TMEM50B: variants seen among roughly 807,000 people sequenced by gnomAD.
The protein encoded by TMEM50B is transmembrane protein 50B, also known as HCV p7-trans-regulated protein 3.
TMEM50B carries 14 observed loss-of-function variants against 23.4 expected under a neutral mutation model. The ratio of observed to expected loss-of-function variants is 0.60; its 90% confidence interval spans 0.39 to 0.93. TMEM50B has a LOEUF of 0.93. TMEM50B is among the 40% of genes least tolerant of loss of function. The probability of loss-of-function intolerance (pLI) is 0.00; values close to 1 mark genes in which losing one functional copy is unlikely to be tolerated. For missense variants in TMEM50B, 159 were observed against 193.0 expected, an observed-to-expected ratio of 0.82 and a Z score of 1.04; for synonymous variants, 64 against 62.3, an observed-to-expected ratio of 1.03 and a Z score of -0.13.
intron 1 of TMEM50B, among the ~76,000 whole-genome samples, chr21:33,473,098 T>C (rs1462023112): frequency 6.6e-6 from 1 of 151,942 alleles, no homozygotes; most frequent in African/African-American, 2.4e-5. Flanking sequence ...ATGGCTCACT[T>C]CTAACCAGAA....
downstream of TMEM50B, among the ~76,000 whole-genome samples, chr21:33,445,537 T>TA (rs2084045575): frequency 3.9e-5 from 6 of 152,356 alleles, no homozygotes; most frequent in African/African-American, 1.2e-4. Context: ...ACGGCGCCTG[T>TA]AATTCCCTGC....
intron 1 of TMEM50B, among the ~76,000 whole-genome samples, chr21:33,476,774 A>AC (rs2084376718): frequency 6.6e-6 from 1 of 151,364 alleles, no homozygotes; most frequent in South Asian, 2.1e-4. Context: ...AAAAAAAAAA[A>AC]AAAAACAACT....
At chr21:33,447,681 TACAC>T (rs764155101), downstream of TMEM50B, among the ~76,000 whole-genome samples, 1,941 of 132,102 alleles carry the variant, frequency 0.015, 20 homozygotes, top group Middle Eastern at 0.023. Flanking sequence ...TGTATAGAAA[TACAC>T]ACACACACAC....
At chr21:33,447,437 CT>C (rs2084072584), downstream of TMEM50B, among the ~76,000 whole-genome samples, 1 of 152,006 alleles carries the variant, frequency 6.6e-6, no homozygotes, top group Non-Finnish European at 1.5e-5. Flanking sequence ...GAGTAAGACA[CT>C]GTAAAAAGGA....
At chr21:33,475,811 G>A (rs1005597694) in intron 1 of TMEM50B, among the ~76,000 whole-genome samples, 16 of 152,096 alleles carry the variant, frequency 1.1e-4, no homozygotes, top group African/African-American at 3.6e-4. Context: ...AAAATCAGCT[G>A]GGCGTGGTGG....
Position 33,470,424 on chromosome 21 carries a change from C to CAA in TMEM50B, c.-41-1500_-41-1499dup, listed in dbSNP as rs71194848. ...TGGGAGACAAAGCGAGACTGTGTCT[C>CAA]AAAAAAAAAAAAAAAAAAAAAAATC... On this transcript the variant is annotated intron_variant, in intron 1 of 6. Coordinates refer to ENST00000542230, the MANE Select transcript of TMEM50B (RefSeq NM_006134.7). Among the ~76,000 whole-genome samples, 227 of 65,682 alleles carry CAA rather than the reference C, an allele frequency of 3.5e-3. 8 individuals are homozygous for CAA. The highest frequency in any genetic ancestry group is 6.6e-3 in the African/African-American group (112 of 16,902). 43.1% of individuals were successfully genotyped at this position (65,682 alleles called of 152,430 possible). A position where few individuals can be genotyped will look rare whatever the true frequency, so the allele number is the denominator to read the frequency against.
Position 33,465,368 on chromosome 21 carries a change from T to G in TMEM50B, c.254A>C (p.Tyr85Ser), listed in dbSNP as rs778977950. Residue 85 changes from tyrosine to serine, a missense_variant, in exon 4 of 7, where the codon TAT becomes TCT. Tyr to Ser is a moderately radical substitution (Grantham distance 144, BLOSUM62 -2). Coordinates refer to ENST00000542230, the MANE Select transcript of TMEM50B (RefSeq NM_006134.7). ...TGTTCTTCCTAAACAGCCGCTTTCA[T>G]AGCTATCACCTCTCACCTGAGCATT... is the stretch of plus-strand genomic sequence containing the variant. ...VSNAQVRGDSYESGCLGRTGA... is the reference protein window; with the variant it reads ...VSNAQVRGDSSESGCLGRTGA... The G allele has an allele frequency of 6.2e-7, 1 of 1,613,308 alleles. No individual in the cohort carries two copies. The highest frequency in any genetic ancestry group is 8.5e-7 in the Non-Finnish European group (1 of 1,179,812).
intron 1 of TMEM50B, among the ~76,000 whole-genome samples, chr21:33,471,714 A>C (rs978906446): frequency 6.6e-6 from 1 of 152,174 alleles, no homozygotes; most frequent in Non-Finnish European, 1.5e-5. Context: ...TCTCTAAAAA[A>C]TAAATTAAAA....
At chr21:33,478,599 A>G (rs2084395903) in intron 1 of TMEM50B, among the ~76,000 whole-genome samples, 1 of 152,138 alleles carries the variant, frequency 6.6e-6, no homozygotes, top group Non-Finnish European at 1.5e-5. Context: ...GAGAGGAGGG[A>G]TTGGGGTGGT....
intron 4 of TMEM50B, 185 bp downstream of exon 4, chr21:33,465,157 G>A (rs1370918403): frequency 4.1e-6 from 2 of 489,862 alleles, no homozygotes; most frequent in East Asian, 6.4e-5. Flanking sequence ...GACAAAAACA[G>A]TAACTTCTAG....
At chr21:33,439,965 G>A (rs757241332) in intron 7 of TMEM50B, among the ~76,000 whole-genome samples, 2 of 152,002 alleles carry the variant, frequency 1.3e-5, no homozygotes, top group Non-Finnish European at 2.9e-5. Context: ...AGAATCACTT[G>A]AGCCCGAGAA....
intron 1 of TMEM50B, among the ~76,000 whole-genome samples, chr21:33,473,289 A>C (rs1041996250): frequency 2.6e-5 from 4 of 151,704 alleles, no homozygotes; most frequent in African/African-American, 9.7e-5. Context: ...CCCATCTCTA[A>C]TAAAAATACA....
intron 2 of TMEM50B, among the ~76,000 whole-genome samples, chr21:33,467,408 G>T (rs2084274197): frequency 1.3e-5 from 2 of 152,206 alleles, no homozygotes; most frequent in African/African-American, 4.8e-5. Flanking sequence ...CAAATCACCT[G>T]AGGTCAGGAG....
chr21:33,436,061 A>C (rs2083945292), intron 8 of TMEM50B, among the ~76,000 whole-genome samples: 1 of 152,082 alleles, frequency 6.6e-6, no homozygotes, highest in East Asian at 1.9e-4. Flanking sequence ...TGACTCAACA[A>C]CAATAAAAAA....
chr21:33,447,343 T>TCCTAGCTACTCAGC (rs1344439695), downstream of TMEM50B, among the ~76,000 whole-genome samples: 3 of 151,346 alleles, frequency 2.0e-5, no homozygotes, highest in Admixed American at 6.6e-5. Context: ...ACACCTATAG[T>TCCTAGCTACTCAGC]AGACTGAGGG....
At chr21:33,456,086 C>T in intron 5 of TMEM50B, 2 of 617,034 alleles carry the variant, frequency 3.2e-6, no homozygotes, top group Non-Finnish European at 6.2e-6. Flanking sequence ...CCTTTGCCTC[C>T]TATGGCCAAC....
In TMEM50B at chr21:33,449,575, T is replaced by C. The variant is rs2084098321; in HGVS notation, c.*1243A>G. 1 of 152,268 alleles carries C rather than the reference T, an allele frequency of 6.6e-6. No individual in the cohort carries two copies. The highest frequency in any genetic ancestry group is 6.5e-5 in the Admixed American group (1 of 15,284). The allele number at this position is 152,268 out of a possible 1,614,324, so 9.4% of individuals were successfully genotyped here. A position where few individuals can be genotyped will look rare whatever the true frequency, so the allele number is the denominator to read the frequency against. On this transcript the variant is annotated 3_prime_UTR_variant, in exon 7 of 7. Coordinates refer to ENST00000542230, the MANE Select transcript of TMEM50B (RefSeq NM_006134.7). ...GAGTTTTTGATTGGAGTATGAACTT[T>C]CAAGTTGAAGATATATTTCACAGGA...
At chr21:33,452,846 T>C (rs1601114847) in intron 6 of TMEM50B, among the ~76,000 whole-genome samples, 1 of 152,078 alleles carries the variant, frequency 6.6e-6, no homozygotes, top group East Asian at 1.9e-4. Flanking sequence ...GATGCAGAAA[T>C]GACACAGACA....
chr21:33,454,462 G>A (rs1024507821), intron 6 of TMEM50B, among the ~76,000 whole-genome samples: 15 of 151,812 alleles, frequency 9.9e-5, no homozygotes, highest in African/African-American at 2.7e-4. Context: ...CACCATGCCC[G>A]ACTAATGTTT....
Sources: gnomAD v4.1 joint callset for allele counts (sites outside exome capture counted in the v4.1 genomes callset) on GRCh38, gnomAD v4.1.1 for gene constraint, MANE v1.5 for transcripts, NCBI Gene and HGNC (gene_info 2026-07-23, HGNC 2026-07-21) for gene names.